HMGB1: variants seen among roughly 807,000 people sequenced by gnomAD.
The protein encoded by HMGB1 is high mobility group protein B1.
For synonymous variants in HMGB1, 81 were observed against 84.0 expected (o/e 0.96, Z 0.19); for missense variants, 79 against 253.5 (o/e 0.31, Z 4.67).
intron 1 of HMGB1, among the ~76,000 whole-genome samples, chr13:30,498,639 ATTAT>A (rs2137449603): frequency 6.8e-6 from 1 of 147,746 alleles, no homozygotes; most frequent in African/African-American, 2.5e-5. Flanking sequence ...TATTATTATT[ATTAT>A]TATTATTATT....
At chr13:30,540,113 G>A (rs936395399) in intron 1 of HMGB1, 1 of 154,554 alleles carries the variant, frequency 6.5e-6, no homozygotes, top group East Asian at 1.9e-4. Context: ...TTGTCCTCTG[G>A]TGGGTCCAGA....
At chr13:30,579,123 T>A (rs551807377) in intron 1 of HMGB1, among the ~76,000 whole-genome samples, 1 of 152,350 alleles carries the variant, frequency 6.6e-6, no homozygotes, top group East Asian at 1.9e-4. Context: ...TGAGACATAA[T>A]AAACACTTGA....
intron 1 of HMGB1, among the ~76,000 whole-genome samples, chr13:30,585,477 C>T (rs1371945013): frequency 6.6e-6 from 1 of 151,976 alleles, no homozygotes; most frequent in Non-Finnish European, 1.5e-5. Flanking sequence ...CACTTAAGGT[C>T]AGGAATTCAA....
At chr13:30,611,137 TAACA>T (rs1420839118) in intron 1 of HMGB1, among the ~76,000 whole-genome samples, 1 of 152,224 alleles carries the variant, frequency 6.6e-6, no homozygotes, top group African/African-American at 2.4e-5. Context: ...TATTTTTAAC[TAACA>T]TTTTTTAAAA....
At chr13:30,514,647 G>A (rs1442321403) in intron 1 of HMGB1, among the ~76,000 whole-genome samples, 1 of 151,614 alleles carries the variant, frequency 6.6e-6, no homozygotes, top group East Asian at 1.9e-4. Context: ...GTTTTTTTGA[G>A]AGAGGGTCTG....
intron 1 of HMGB1, among the ~76,000 whole-genome samples, chr13:30,522,071 C>A (rs1888250883): frequency 6.7e-6 from 1 of 149,380 alleles, no homozygotes; most frequent in African/African-American, 2.5e-5. Context: ...CTCAAGATAG[C>A]TTAGTGACAG....
chr13:30,462,751 A>G (rs1886437555), intron 3 of HMGB1, 39 bp from the exon 4 acceptor site: 3 of 1,547,146 alleles, frequency 1.9e-6, no homozygotes, highest in Admixed American at 3.4e-5. Flanking sequence ...AAGTTAACAG[A>G]TCACAAAAAC....
chr13:30,592,875 A>ATTTTT (rs1408660104), intron 1 of HMGB1, among the ~76,000 whole-genome samples: 10 of 151,592 alleles, frequency 6.6e-5, no homozygotes, highest in African/African-American at 2.4e-4. Flanking sequence ...TTTTTTTAAA[A>ATTTTT]AAAAAAAAAA....
At chr13:30,538,841 G>A (rs118063378) in intron 1 of HMGB1, among the ~76,000 whole-genome samples, 1,796 of 108,998 alleles carry the variant, frequency 0.016, 16 homozygotes, top group Admixed American at 0.025. Context: ...TCTTTTTTTC[G>A]AAGATGATAC....
At chr13:30,564,300 A>T (rs1488002558) in intron 1 of HMGB1, among the ~76,000 whole-genome samples, 1 of 124,134 alleles carries the variant, frequency 8.1e-6, no homozygotes, top group Non-Finnish European at 1.7e-5. Context: ...AAAAAAAAAA[A>T]ATTTAGCTGG....
At chr13:30,592,580 A>G (rs1871415276) in intron 1 of HMGB1, among the ~76,000 whole-genome samples, 1 of 152,174 alleles carries the variant, frequency 6.6e-6, no homozygotes, top group African/African-American at 2.4e-5. Flanking sequence ...CCCCAAGTTT[A>G]ATAAACTATT....
At chr13:30,586,202 G>A (rs760414650) in intron 1 of HMGB1, among the ~76,000 whole-genome samples, 2 of 152,152 alleles carry the variant, frequency 1.3e-5, no homozygotes, top group Non-Finnish European at 2.9e-5. Context: ...CTACAGGCAT[G>A]CACAGCTATG....
chr13:30,598,638 A>G (rs1380975774), intron 1 of HMGB1, among the ~76,000 whole-genome samples: 2 of 152,206 alleles, frequency 1.3e-5, no homozygotes, highest in Non-Finnish European at 2.9e-5. Flanking sequence ...ATATGCATGT[A>G]TGTTGGAACA....
intron 1 of HMGB1, among the ~76,000 whole-genome samples, chr13:30,580,582 T>C (rs1011517806): frequency 6.6e-6 from 1 of 152,232 alleles, no homozygotes; most frequent in Non-Finnish European, 1.5e-5. Flanking sequence ...CAAATATTTA[T>C]TGAGCATCTC....
chr13:30,530,284 G>C (rs1204267403), intron 1 of HMGB1, among the ~76,000 whole-genome samples: 3 of 152,158 alleles, frequency 2.0e-5, no homozygotes, highest in Non-Finnish European at 4.4e-5. Flanking sequence ...TTCATGTTTA[G>C]ATTTGGGTCC....
rs550841651 is a variant in HMGB1 at position 30,541,309 on chromosome 13, C to T, written c.-15+75362G>A. Reference sequence around the variant, plus strand: ...AGGAGTTCAAATCCAACATGGGCAACGTAGCGAGACTCCATCTCTAAAATT... The same window carrying T: ...AGGAGTTCAAATCCAACATGGGCAATGTAGCGAGACTCCATCTCTAAAATT... On this transcript the variant is annotated intron_variant, in intron 1 of 4. Transcript: ENST00000405805. Among the ~76,000 whole-genome samples, 9 of 146,564 alleles carry T rather than the reference C, an allele frequency of 6.1e-5. No individual in the cohort carries two copies. In the East Asian group the frequency reaches 7.7e-4, roughly 13 times the overall value.
At chr13:30,609,759 G>A (rs529093075) in intron 1 of HMGB1, among the ~76,000 whole-genome samples, 10 of 152,140 alleles carry the variant, frequency 6.6e-5, no homozygotes, top group Admixed American at 2.6e-4. Context: ...TCCCCAACCC[G>A]AATCCCCAAA....
rs772976540 is a variant in HMGB1 at position 30,462,519 on chromosome 13, G to C, written c.471+19C>G. On this transcript the variant is annotated intron_variant, in intron 4 of 4. Transcript: ENST00000341423. ...GGCGTACTTGTCATCATTTTACCAAGCAAACCCACACTTCTTACCTTTTCA... is the reference window on the plus strand; with the variant it reads ...GGCGTACTTGTCATCATTTTACCAACCAAACCCACACTTCTTACCTTTTCA... 1.9e-6 allele frequency: 3 copies of C among 1,601,936 alleles called. No homozygotes were observed. The highest frequency in any genetic ancestry group is 2.6e-6 in the Non-Finnish European group (3 of 1,169,034).
At chr13:30,580,713 G>A (rs188743713) in intron 1 of HMGB1, among the ~76,000 whole-genome samples, 19 of 152,226 alleles carry the variant, frequency 1.2e-4, no homozygotes, top group East Asian at 5.8e-4. Context: ...TGCCTTGCAC[G>A]TAACAGACAT....
Sources: gnomAD v4.1 joint callset for allele counts (sites outside exome capture counted in the v4.1 genomes callset) on GRCh38, gnomAD v4.1.1 for gene constraint, MANE v1.5 for transcripts, NCBI Gene and HGNC (gene_info 2026-07-23, HGNC 2026-07-21) for gene names.